RSRC1: variants seen among roughly 807,000 people sequenced by gnomAD.
The protein encoded by RSRC1 is arginine and serine rich coiled-coil 1.
In RSRC1, 39 loss-of-function variants were observed where a neutral mutation model predicts 49.1. The observed-to-expected ratio is 0.79, with a 90% CI of 0.61 to 1.04. The LOEUF (loss-of-function observed/expected upper bound fraction) is 1.04. RSRC1 is among the 50% of genes least tolerant of loss of function. The pLI is 0.00. For missense variants in RSRC1, 388 were observed against 402.4 expected, an observed-to-expected ratio of 0.96 and a Z score of 0.31; for synonymous variants, 143 against 130.8, an observed-to-expected ratio of 1.09 and a Z score of -0.63.
At chr3:158,139,636 C>CTT (rs11388130) in intron 3 of RSRC1, among the ~76,000 whole-genome samples, 5,524 of 139,986 alleles carry the variant, frequency 0.039, 136 homozygotes, top group Non-Finnish European at 0.048. Flanking sequence ...TCCCATTAGT[C>CTT]TTTTTTTTTT....
rs181422608 is a variant in RSRC1 at position 158,148,282 on chromosome 3, G to T, written c.320+24291G>T. The stretch of plus-strand genomic sequence containing the variant: ...TTGTATGGGGTCATTGGAATGTTCA[G>T]TTGGGTTGGAGAAGCAATTTGATCA... On this transcript the variant is annotated intron_variant, in intron 3 of 9. Transcript: ENST00000611884. 2.6e-5 allele frequency among the ~76,000 whole-genome samples: 4 copies of T among 152,248 alleles called. No individual in the cohort carries two copies. In the East Asian group the frequency reaches 7.7e-4, roughly 29 times the overall value.
At chr3:158,195,199 G>A (rs1168070196) in intron 3 of RSRC1, among the ~76,000 whole-genome samples, 3 of 152,206 alleles carry the variant, frequency 2.0e-5, no homozygotes, top group African/African-American at 4.8e-5. Context: ...TCTAATGGGT[G>A]TGAGATGATA....
chr3:158,308,998 T>C (rs1369423666), intron 5 of RSRC1, among the ~76,000 whole-genome samples: 1 of 151,920 alleles, frequency 6.6e-6, no homozygotes, highest in East Asian at 1.9e-4. Context: ...GCTGTACATA[T>C]GTAATGGTCC....
chr3:158,352,234 T>C (rs1210050100), intron 5 of RSRC1, among the ~76,000 whole-genome samples: 4 of 152,036 alleles, frequency 2.6e-5, no homozygotes, highest in African/African-American at 7.2e-5. Context: ...ATCACACTGC[T>C]GCACGTTAGC....
intron 7 of RSRC1, among the ~76,000 whole-genome samples, chr3:158,475,845 T>C (rs1738343446): frequency 6.6e-6 from 1 of 151,298 alleles, no homozygotes; most frequent in African/African-American, 2.4e-5. Flanking sequence ...AAAGGAAGAG[T>C]TGCATGTCCC....
chr3:158,507,526 A>T (rs1336743039), intron 7 of RSRC1, among the ~76,000 whole-genome samples: 1 of 152,146 alleles, frequency 6.6e-6, no homozygotes, highest in African/African-American at 2.4e-5. Flanking sequence ...TCAGTATTTT[A>T]AAAAATTGTT....
chr3:158,317,372 G>C (rs1728520910), intron 5 of RSRC1, among the ~76,000 whole-genome samples: 2 of 152,020 alleles, frequency 1.3e-5, no homozygotes, highest in South Asian at 4.1e-4. Flanking sequence ...GGGACCACAA[G>C]TGCATGTCAC....
rs138203367 is a variant in RSRC1, at chr3:158,527,534, C to T, written c.653-9558C>T. Among the ~76,000 whole-genome samples, 711 of 151,962 alleles carry T rather than the reference C, an allele frequency of 4.7e-3. 8 individuals are homozygous for T. The highest frequency in any genetic ancestry group is 0.016 in the African/African-American group (681 of 41,492). On this transcript the variant is annotated intron_variant, in intron 7 of 9. Coordinates refer to ENST00000611884, the MANE Select transcript of RSRC1 (RefSeq NM_001271838.2). ...AAACTCTTTTCATTTTACTACCATC[C>T]TCTAATAAACCAATACATCCACTTT...
chr3:158,458,911 C>T (rs1737479154), intron 6 of RSRC1, among the ~76,000 whole-genome samples: 1 of 151,990 alleles, frequency 6.6e-6, no homozygotes, highest in Non-Finnish European at 1.5e-5. Flanking sequence ...GTCAGAAAGA[C>T]AAAAAGAACA....
At chr3:158,117,773 T>C (rs1714936702) in intron 1 of RSRC1, among the ~76,000 whole-genome samples, 1 of 152,214 alleles carries the variant, frequency 6.6e-6, no homozygotes, top group Non-Finnish European at 1.5e-5. Flanking sequence ...ACTACCGGCT[T>C]ATGCCATTAT....
chr3:158,403,255 T>C (rs1041679968), intron 6 of RSRC1, among the ~76,000 whole-genome samples: 3 of 151,842 alleles, frequency 2.0e-5, no homozygotes, highest in Admixed American at 2.0e-4. Context: ...CTCAATGAGA[T>C]TTTCCTGAGA....
chr3:158,190,757 T>C (rs1310027443), intron 3 of RSRC1, among the ~76,000 whole-genome samples: 1 of 151,908 alleles, frequency 6.6e-6, no homozygotes, highest in Non-Finnish European at 1.5e-5. Context: ...CTGTTGCTTA[T>C]AGTTGCTTTG....
intron 4 of RSRC1, among the ~76,000 whole-genome samples, chr3:158,217,758 G>A (rs1384667475): frequency 1.8e-5 from 2 of 109,252 alleles, no homozygotes; most frequent in African/African-American, 6.7e-5. Flanking sequence ...TCCAGTGTGT[G>A]TGTGTGTGGG....
chr3:158,202,562 T>TTTTATATATA lies in RSRC1; in HGVS notation c.321-509_321-508insTTATATATAT, dbSNP rs369404609. ...TCTGTAGGGTTGTCAGTCTGGTAGA[T>TTTTATATATA]TATATATATATATATATATGTTTTA... On this transcript the variant is annotated intron_variant, in intron 3 of 9. Transcript: ENST00000611884. Among the ~76,000 whole-genome samples, 143 of 91,976 alleles carry TTTTATATATA rather than the reference T, an allele frequency of 1.6e-3. 26 individuals carry two copies. The East Asian group carries it at 0.021, about 13-fold the overall frequency. The allele number at this position is 91,976 out of a possible 152,430, so 60.3% of individuals were successfully genotyped here. A position where few individuals can be genotyped will look rare whatever the true frequency, so the allele number is the denominator to read the frequency against.
At position 158,146,272 on chromosome 3, in the gene RSRC1, T is replaced by A. The variant is rs557156769; in HGVS notation, c.320+22281T>A. On this transcript the variant is annotated intron_variant, in intron 3 of 9. Transcript: ENST00000611884. ...ATGATATTGGCTGTGGGTTTGTCAT[T>A]AATAGCTCTTATTATTTTGAGATAC... Among the ~76,000 whole-genome samples, 9 of 152,212 alleles carry A rather than the reference T, an allele frequency of 5.9e-5. No homozygotes were observed. In the East Asian group the frequency reaches 1.2e-3, roughly 20 times the overall value.
At chr3:158,492,628 A>G (rs1403919514) in intron 7 of RSRC1, among the ~76,000 whole-genome samples, 1 of 152,164 alleles carries the variant, frequency 6.6e-6, no homozygotes, top group African/African-American at 2.4e-5. Flanking sequence ...GCTTCTGGTT[A>G]ATTGAGCTTT....
At chr3:158,160,945 A>G (rs1578147790) in intron 3 of RSRC1, among the ~76,000 whole-genome samples, 2 of 152,216 alleles carry the variant, frequency 1.3e-5, no homozygotes, top group South Asian at 4.1e-4. Context: ...GCTCTTACTT[A>G]TATGGCTAGA....
rs894415604 is a variant in RSRC1 at position 158,403,938 on chromosome 3, A to G, written c.583+49030A>G. Reference sequence around the variant, plus strand: ...TGATTAAGGAGCTTCTCAAAATTCCACTTAATGTGAATTTTGTCAATAAAT... The same window carrying G: ...TGATTAAGGAGCTTCTCAAAATTCCGCTTAATGTGAATTTTGTCAATAAAT... On this transcript the variant is annotated intron_variant, in intron 6 of 9. Coordinates refer to ENST00000611884, the MANE Select transcript of RSRC1 (RefSeq NM_001271838.2). Among the ~76,000 whole-genome samples, 4 of 151,978 alleles carry G rather than the reference A, an allele frequency of 2.6e-5. No individual in the cohort carries two copies. In the East Asian group the frequency reaches 7.7e-4, roughly 29 times the overall value.
At chr3:158,275,964 G>C (rs1725786040) in intron 4 of RSRC1, 3 of 752,732 alleles carry the variant, frequency 4.0e-6, no homozygotes, top group Non-Finnish European at 4.7e-6. Flanking sequence ...TTGTGGACTG[G>C]TTCGGTGATC....
Sources: gnomAD v4.1 joint callset for allele counts (sites outside exome capture counted in the v4.1 genomes callset) on GRCh38, gnomAD v4.1.1 for gene constraint, MANE v1.5 for transcripts, NCBI Gene and HGNC (gene_info 2026-07-23, HGNC 2026-07-21) for gene names.